Variants in CCDC68 observed in about 807,000 individuals in gnomAD.
The protein encoded by CCDC68 is coiled-coil domain-containing protein 68.
In CCDC68, 45 loss-of-function variants were observed where a neutral mutation model predicts 47.1. The observed-to-expected ratio is 0.96, with a 90% CI of 0.75 to 1.23. The LOEUF is 1.23. Among genes scored for constraint, CCDC68 ranks in the 50% most tolerant of loss-of-function variants. CCDC68 has a pLI of 0.00. For synonymous variants in CCDC68, 131 were observed against 129.5 expected, an observed-to-expected ratio of 1.01 and a Z score of -0.08; for missense variants, 353 against 373.6, an observed-to-expected ratio of 0.94 and a Z score of 0.45.
intron 4 of CCDC68, among the ~76,000 whole-genome samples, chr18:54,940,234 G>C (rs973948392): frequency 6.6e-6 from 1 of 152,190 alleles, no homozygotes; most frequent in Non-Finnish European, 1.5e-5. Flanking sequence ...CGCAGCTCCA[G>C]AATCAGATGT....
intron 1 of CCDC68, among the ~76,000 whole-genome samples, chr18:54,946,327 A>G (rs371296737): frequency 5.9e-5 from 9 of 152,188 alleles, no homozygotes; most frequent in Admixed American, 3.9e-4. Context: ...AGCCCTTTAC[A>G]GGAAACGTTT....
At chr18:54,944,705 T>C (rs2044497547) in intron 2 of CCDC68, among the ~76,000 whole-genome samples, 1 of 152,160 alleles carries the variant, frequency 6.6e-6, no homozygotes, top group Non-Finnish European at 1.5e-5. Context: ...TGAGGGAAAG[T>C]TTATTTATTG....
chr18:54,926,896 G>C (rs1443653460), intron 8 of CCDC68, among the ~76,000 whole-genome samples: 2 of 152,164 alleles, frequency 1.3e-5, no homozygotes, highest in Non-Finnish European at 2.9e-5. Flanking sequence ...ATAAAATAAA[G>C]AAGTTACCTG....
intron 7 of CCDC68, among the ~76,000 whole-genome samples, chr18:54,930,844 G>T (rs548201059): frequency 6.6e-6 from 1 of 150,814 alleles, no homozygotes; most frequent in Non-Finnish European, 1.5e-5. Flanking sequence ...TCAGCCTCCC[G>T]AGTAGCTGGG....
intron 7 of CCDC68, among the ~76,000 whole-genome samples, 200 bp downstream of exon 7, chr18:54,934,620 A>C (rs142412959): frequency 4.2e-4 from 64 of 152,350 alleles, no homozygotes; most frequent in Middle Eastern, 3.4e-3. Context: ...AAGGTAAATC[A>C]ATCACCACAG....
At chr18:54,931,258 G>T (rs1184854753) in intron 7 of CCDC68, among the ~76,000 whole-genome samples, 1 of 152,026 alleles carries the variant, frequency 6.6e-6, no homozygotes, top group Non-Finnish European at 1.5e-5. Flanking sequence ...CCTCCTCTTT[G>T]ACAATACAGA....
rs922568572 is a variant in CCDC68, at chr18:54,945,470, T to C, written c.-95A>G. The C allele has an allele frequency of 3.9e-5, 6 of 152,072 alleles. No homozygotes were observed. The highest frequency in any genetic ancestry group is 7.4e-5 in the Non-Finnish European group (5 of 68,004). 9.4% of individuals were successfully genotyped at this position (152,072 alleles called of 1,614,324 possible). A position where few individuals can be genotyped will look rare whatever the true frequency, so the allele number is the denominator to read the frequency against. ...AGAGATGTTTCCATCATATTAAGAC[T>C]GGCTTCCCTGGAGAGAAACAATAAC... On this transcript the variant is annotated 5_prime_UTR_variant, in exon 2 of 12. Coordinates refer to ENST00000591504, the MANE Select transcript of CCDC68 (RefSeq NM_025214.3).
At chr18:54,921,537 C>G (rs960551862) in intron 8 of CCDC68, among the ~76,000 whole-genome samples, 2 of 152,192 alleles carry the variant, frequency 1.3e-5, no homozygotes, top group South Asian at 2.1e-4. Flanking sequence ...CTACAGGGAA[C>G]AGGACGCCTA....
chr18:54,902,830 A>G lies in CCDC68; in HGVS notation c.*1528T>C, dbSNP rs1913759440. 6.6e-6 allele frequency: 1 copy of G among 152,212 alleles called. No homozygotes were observed. Among genetic ancestry groups the G allele is most frequent in the Non-Finnish European group, 1.5e-5 (1 of 68,010 alleles). 9.4% of individuals were successfully genotyped at this position (152,212 alleles called of 1,614,324 possible). A position where few individuals can be genotyped will look rare whatever the true frequency, so the allele number is the denominator to read the frequency against. ...CAAAAGGTTCAAATTTTTGCTTCAC[A>G]GTTAGCAGCTGGGCAAATTACTCAA... On this transcript the variant is annotated 3_prime_UTR_variant, in exon 12 of 12. Coordinates refer to ENST00000591504, the MANE Select transcript of CCDC68 (RefSeq NM_025214.3).
Position 54,954,180 on chromosome 18 carries a change from C to T in CCDC68, c.-103+5156G>A, listed in dbSNP as rs1387090723. ...AAGCAATTCTCCTGCCTCAGCCTCC[C>T]GAGTAGCTGGGACTACAGGCATGTG... On this transcript the variant is annotated intron_variant, in intron 1 of 11. Transcript: ENST00000591504. 1.4e-4 allele frequency among the ~76,000 whole-genome samples: 22 copies of T among 151,758 alleles called. 1 individual carries two copies. Among genetic ancestry groups the T allele is most frequent in the African/African-American group, 1.2e-4 (5 of 41,284 alleles).
intron 7 of CCDC68, among the ~76,000 whole-genome samples, chr18:54,930,505 T>C (rs2044223205): frequency 6.6e-6 from 1 of 152,148 alleles, no homozygotes; most frequent in African/African-American, 2.4e-5. Context: ...AAATTTTTCT[T>C]ATAGTATTCT....
chr18:54,929,568 GA>G lies in CCDC68; in HGVS notation c.601-687del, dbSNP rs112725462. 5.2e-3 allele frequency among the ~76,000 whole-genome samples: 794 copies of G among 152,214 alleles called. 7 individuals carry two copies. The highest frequency in any genetic ancestry group is 0.018 in the African/African-American group (740 of 41,526). On this transcript the variant is annotated intron_variant, in intron 7 of 11. Transcript: ENST00000591504. ...ATTTTATATTTGATGGCACTCAGCT[GA>G]AAAAAAGGAATTTGGTGCTTTGGCC...
intron 5 of CCDC68, 110 bp downstream of exon 5, chr18:54,937,847 A>G (rs1370300954): frequency 1.2e-6 from 1 of 819,518 alleles, no homozygotes; most frequent in East Asian, 2.7e-5. Context: ...AGATGGACCT[A>G]TGGATGTGTG....
chr18:54,928,968 T>C, intron 7 of CCDC68, 86 bp from the exon 8 acceptor site: 2 of 737,684 alleles, frequency 2.7e-6, no homozygotes, highest in East Asian at 2.6e-5. Context: ...AACTATGGCT[T>C]GAGCTAAAGA....
rs963470730 is a variant in CCDC68 at position 54,905,838 on chromosome 18, C to T, written c.951-1423G>A. On this transcript the variant is annotated intron_variant, in intron 11 of 11. Coordinates refer to ENST00000591504, the MANE Select transcript of CCDC68 (RefSeq NM_025214.3). ...ATCTGTATTTACAGCCACTCCCCAT[C>T]GCTCACATTACCTCCTGAGCTCCAC... Among the ~76,000 whole-genome samples, 12 of 152,264 alleles carry T rather than the reference C, an allele frequency of 7.9e-5. No homozygotes were observed. In the East Asian group the frequency reaches 1.2e-3, roughly 15 times the overall value.
At chr18:54,949,530 C>T (rs2044579663) in intron 1 of CCDC68, among the ~76,000 whole-genome samples, 1 of 152,218 alleles carries the variant, frequency 6.6e-6, no homozygotes, top group South Asian at 2.1e-4. Context: ...AAACAACTGA[C>T]TCCAGGTCAG....
chr18:54,950,535 A>G (rs1467748126), intron 1 of CCDC68, among the ~76,000 whole-genome samples: 2 of 152,190 alleles, frequency 1.3e-5, no homozygotes, highest in African/African-American at 4.8e-5. Context: ...TAAGAATCCA[A>G]ACTTTTGCTA....
rs372135459 is a variant in CCDC68 at position 54,912,608 on chromosome 18, C to T, written c.874-4746G>A. On this transcript the variant is annotated intron_variant, in intron 10 of 11. Transcript: ENST00000591504. The stretch of plus-strand genomic sequence containing the variant: ...CAGGTGTTTAAAAATATATTGGCTA[C>T]ACATATATATTTCACAAACATGTAT... Among the ~76,000 whole-genome samples, 146 of 152,204 alleles carry T rather than the reference C, an allele frequency of 9.6e-4. 3 individuals are homozygous for T. Among genetic ancestry groups the T allele is most frequent in the African/African-American group, 3.1e-3 (130 of 41,542 alleles).
chr18:54,917,812 C>T (rs1014426609), intron 10 of CCDC68, 101 bp downstream of exon 10: 15 of 725,696 alleles, frequency 2.1e-5, no homozygotes, highest in Non-Finnish European at 2.9e-5. Context: ...TACACAGGCT[C>T]ACTGATACTG....
Sources: gnomAD v4.1 joint callset for allele counts (sites outside exome capture counted in the v4.1 genomes callset) on GRCh38, gnomAD v4.1.1 for gene constraint, MANE v1.5 for transcripts, NCBI Gene and HGNC (gene_info 2026-07-23, HGNC 2026-07-21) for gene names.